The following NLGN4X variants were observed in gnomAD, a reference collection of about 807,000 sequenced individuals.
NLGN4X encodes the protein neuroligin 4 X-linked, also known as neuroligin-4, X-linked.
In NLGN4X, 3 loss-of-function variants were observed where a neutral mutation model predicts 40.3. That is an observed-to-expected ratio of 0.07 (90% CI 0.03 to 0.19). NLGN4X has a LOEUF of 0.19. Ranked by LOEUF, NLGN4X falls within the 10% of genes least tolerant of loss-of-function variation. The probability of loss-of-function intolerance (pLI) is 1.00; values close to 1 mark genes in which losing one functional copy is unlikely to be tolerated. For missense variants in NLGN4X, 382 were observed against 708.3 expected (o/e 0.54, Z 5.23); for synonymous variants, 270 against 306.8 (o/e 0.88, Z 1.25).
chrX:6,011,948 T>C (rs5961918), intron 3 of NLGN4X, among the ~76,000 whole-genome samples: 1,162 of 112,163 alleles, frequency 0.01, 13 homozygotes, highest in Middle Eastern at 0.027. Flanking sequence ...TACAAGGCCA[T>C]TGATTTCATT....
At chrX:6,140,457 GACACACAC>G (rs34281533) in intron 2 of NLGN4X, among the ~76,000 whole-genome samples, 25,943 of 95,795 alleles carry the variant, frequency 0.27, 2,298 homozygotes, top group Middle Eastern at 0.42. Flanking sequence ...TTCACACACA[GACACACAC>G]ACACACACAC....
intron 4 of NLGN4X, among the ~76,000 whole-genome samples, chrX:5,904,297 C>G (rs1383203905): frequency 9.0e-6 from 1 of 111,725 alleles, no homozygotes; most frequent in Non-Finnish European, 1.9e-5. Context: ...GCCCTCTTGT[C>G]TCACAAGCAA....
intron 1 of NLGN4X, among the ~76,000 whole-genome samples, chrX:6,207,936 A>G (rs1413047234): frequency 8.0e-5 from 9 of 112,164 alleles, no homozygotes; most frequent in Non-Finnish European, 1.5e-4. Flanking sequence ...TTAATAATAC[A>G]TCTTTTAAAA....
At position 5,892,984 on chromosome X, in the gene NLGN4X, G is replaced by C. The variant is rs764361221; in HGVS notation, c.2284C>G (p.Leu762Val). Residue 762 changes from leucine (L) to valine (V), a missense_variant, in exon 6 of 6, where the codon CTC becomes GTC. By Grantham distance (32) the Leu-to-Val change is conservative (BLOSUM62 1). This residue lies in a region of NLGN4X where 57 missense variants were observed against 65.6 expected (regional missense o/e 0.87). Coordinates refer to ENST00000381095, the MANE Select transcript of NLGN4X (RefSeq NM_181332.3). ...LRLTCPPDYT[L>V]TLRRSPDDIP... ...TCATCTGGCGACCGGCGCAGCGTGA[G>C]GGTGTAGTCTGGCGGGCAGGTGAGC... is the stretch of plus-strand genomic sequence containing the variant. The C allele has an allele frequency of 5.0e-6, 6 of 1,209,649 alleles. No individual in the cohort carries two copies. The Admixed American group carries it at 1.3e-4, about 26-fold the overall frequency.
chrX:5,933,739 T>C (rs2033638237), intron 3 of NLGN4X, among the ~76,000 whole-genome samples: 2 of 111,571 alleles, frequency 1.8e-5, no homozygotes, highest in Admixed American at 9.6e-5. Flanking sequence ...TAAAACAAGA[T>C]GGCAGAAATA....
At chrX:6,173,300 A>G (rs1038539336) in intron 1 of NLGN4X, among the ~76,000 whole-genome samples, 6 of 111,950 alleles carry the variant, frequency 5.4e-5, no homozygotes, top group Admixed American at 1.9e-4. Flanking sequence ...TGAAGGCTTC[A>G]GCAGCCTCAG....
intron 1 of NLGN4X, among the ~76,000 whole-genome samples, chrX:6,180,905 A>C: frequency 9.0e-6 from 1 of 111,164 alleles, no homozygotes; most frequent in South Asian, 3.9e-4. Context: ...CACAGACACA[A>C]GGTTATCAGT....
chrX:5,909,310 A>G (rs2032363456), intron 3 of NLGN4X, 71 bp from the exon 4 acceptor site: 1 of 1,098,482 alleles, frequency 9.1e-7, no homozygotes, highest in African/African-American at 1.8e-5. Flanking sequence ...CTATTTGAAA[A>G]GATATCTCAT....
At chrX:5,969,881 G>A (rs917439753) in intron 3 of NLGN4X, among the ~76,000 whole-genome samples, 2 of 109,654 alleles carry the variant, frequency 1.8e-5, no homozygotes, top group African/African-American at 3.3e-5. Flanking sequence ...TAGGGACATG[G>A]ATGAAGCTGG....
At chrX:5,902,460 T>C (rs1268042254) in intron 5 of NLGN4X, among the ~76,000 whole-genome samples, 1 of 109,879 alleles carries the variant, frequency 9.1e-6, no homozygotes, top group African/African-American at 3.3e-5. Context: ...GAGGCTTCAG[T>C]GAGCTATGAT....
chrX:5,943,183 G>C (rs1037965024), intron 3 of NLGN4X, among the ~76,000 whole-genome samples: 3 of 111,470 alleles, frequency 2.7e-5, no homozygotes, highest in African/African-American at 9.8e-5. Flanking sequence ...GGCTTTGAAG[G>C]GGGAGGAAGG....
chrX:6,171,493 C>T (rs1318560739), intron 1 of NLGN4X, among the ~76,000 whole-genome samples: 1 of 112,009 alleles, frequency 8.9e-6, no homozygotes, highest in Non-Finnish European at 1.9e-5. Flanking sequence ...GATTCCCCAT[C>T]TTTCTATTTG....
At chrX:6,146,786 T>C (rs1217776430) in intron 2 of NLGN4X, among the ~76,000 whole-genome samples, 1 of 109,450 alleles carries the variant, frequency 9.1e-6, no homozygotes, top group Non-Finnish European at 1.9e-5. Flanking sequence ...TGATAATGAG[T>C]GGTGCTTTGT....
At chrX:6,005,246 G>C (rs1478404035) in intron 3 of NLGN4X, among the ~76,000 whole-genome samples, 1 of 112,297 alleles carries the variant, frequency 8.9e-6, no homozygotes, top group Non-Finnish European at 1.9e-5. Context: ...ATGGTTAACA[G>C]CTATGCTGCA....
chrX:6,130,418 A>G (rs1327973823), intron 2 of NLGN4X, among the ~76,000 whole-genome samples: 1 of 111,877 alleles, frequency 8.9e-6, no homozygotes. Flanking sequence ...AGCAAACATA[A>G]TTTTGACACC....
At chrX:6,200,691 T>TTTTTTTTCTTTTC (rs1176159864) in intron 1 of NLGN4X, among the ~76,000 whole-genome samples, 3 of 89,285 alleles carry the variant, frequency 3.4e-5, no homozygotes, top group Non-Finnish European at 4.4e-5. Context: ...CCTTTTCTTT[T>TTTTTTTTCTTTTC]TTTTTTTTTT....
intron 2 of NLGN4X, among the ~76,000 whole-genome samples, chrX:6,119,565 T>TG (rs1031012972): frequency 1.4e-4 from 15 of 110,975 alleles, no homozygotes; most frequent in Non-Finnish European, 2.5e-4. Flanking sequence ...GACAACAGCC[T>TG]GGGGGTTGGA....
In NLGN4X at chrX:6,151,518, G is replaced by T. The variant is rs2040166908; in HGVS notation, c.-52C>A. 29 of 1,083,002 alleles carry T rather than the reference G, an allele frequency of 2.7e-5. No homozygotes were observed. Among genetic ancestry groups the T allele is most frequent in the Non-Finnish European group, 3.7e-5 (29 of 780,458 alleles). The allele number at this position is 1,083,002 out of a possible 1,213,427, so 89.3% of individuals were successfully genotyped here. On this transcript the variant is annotated 5_prime_UTR_variant, in exon 2 of 6. Coordinates refer to ENST00000381095, the MANE Select transcript of NLGN4X (RefSeq NM_181332.3). ...GCTGTCCCAGTGATGTGGCTCCAAG[G>T]AGACAAAGCCCAGAGGCGAGCCTGC...
At chrX:5,986,594 TAAATAAATCATTAAAAACATGG>T (rs2035535186) in intron 3 of NLGN4X, among the ~76,000 whole-genome samples, 1 of 112,149 alleles carries the variant, frequency 8.9e-6, no homozygotes, top group Non-Finnish European at 1.9e-5. Context: ...TTAGCTTATT[TAAATAAATCATTAAAAACATGG>T]AAGGAAAATC....
Sources: allele counts gnomAD v4.1 joint callset (sites outside exome capture counted in the v4.1 genomes callset), GRCh38; gene constraint gnomAD v4.1.1; regional missense constraint gnomAD v4.1.1; transcripts MANE v1.5; gene names NCBI Gene and HGNC (gene_info 2026-07-23, HGNC 2026-07-21).